Variants in AKT3 observed in about 807,000 individuals in gnomAD.
AKT3 encodes AKT serine/threonine kinase 3.
AKT3 carries 15 observed loss-of-function variants against 65.3 expected under a neutral mutation model. The observed-to-expected ratio is 0.23, with a 90% CI of 0.15 to 0.35. The LOEUF is 0.35. Among genes scored for constraint, AKT3 ranks in the 10% least tolerant of loss-of-function variants. The pLI is 1.00. For synonymous variants in AKT3, 206 were observed against 183.8 expected (o/e 1.12, Z -0.98); for missense variants, 243 against 576.5 (o/e 0.42, Z 5.92).
intron 2 of AKT3, among the ~76,000 whole-genome samples, chr1:243,722,552 AAAG>A (rs904299493): frequency 6.6e-6 from 1 of 152,212 alleles, no homozygotes; most frequent in African/African-American, 2.4e-5. Context: ...GCACGAAGTT[AAAG>A]AAGGCCCTTA....
At chr1:243,603,080 T>G (rs1220031183) in intron 8 of AKT3, among the ~76,000 whole-genome samples, 10 of 152,192 alleles carry the variant, frequency 6.6e-5, no homozygotes, top group Non-Finnish European at 1.5e-4. Flanking sequence ...CTCATGTAAA[T>G]TTAGTAACAT....
chr1:243,638,690 T>C (rs1680154055), intron 5 of AKT3, among the ~76,000 whole-genome samples: 1 of 152,184 alleles, frequency 6.6e-6, no homozygotes, highest in Admixed American at 6.5e-5. Context: ...CAAATAAGTA[T>C]TTGGGTTTTA....
chr1:243,619,096 T>C (rs1239140435), intron 6 of AKT3, among the ~76,000 whole-genome samples: 1 of 152,148 alleles, frequency 6.6e-6, no homozygotes, highest in African/African-American at 2.4e-5. Context: ...ACAAGTCTAG[T>C]TGAAATCAAG....
chr1:243,646,850 A>G (rs1203756050), intron 4 of AKT3, among the ~76,000 whole-genome samples: 1 of 152,216 alleles, frequency 6.6e-6, no homozygotes, highest in South Asian at 2.1e-4. Context: ...AATTAAAAAA[A>G]AGGATACAGC....
intron 13 of AKT3, chr1:243,488,921 C>T: frequency 6.3e-7 from 1 of 1,588,466 alleles, no homozygotes; most frequent in Admixed American, 1.7e-5. Flanking sequence ...TCATGGTTCC[C>T]TATCAGGGGC....
chr1:243,506,523 C>T (rs976604535), intron 13 of AKT3, among the ~76,000 whole-genome samples: 1 of 152,248 alleles, frequency 6.6e-6, no homozygotes, highest in Non-Finnish European at 1.5e-5. Flanking sequence ...GGAGGGGGCT[C>T]TGCCTTTGTC....
intron 12 of AKT3, among the ~76,000 whole-genome samples, chr1:243,538,216 G>A (rs1016059357): frequency 6.6e-6 from 1 of 152,112 alleles, no homozygotes; most frequent in African/African-American, 2.4e-5. Context: ...ATATGCTGTT[G>A]TATGAGAATT....
intron 2 of AKT3, among the ~76,000 whole-genome samples, chr1:243,799,784 C>G (rs1692266581): frequency 6.6e-6 from 1 of 152,150 alleles, no homozygotes; most frequent in South Asian, 2.1e-4. Flanking sequence ...TAAAATGTCT[C>G]TAATTTTTAA....
At chr1:243,794,401 A>G (rs1460154670) in intron 2 of AKT3, 1 of 152,254 alleles carries the variant, frequency 6.6e-6, no homozygotes, top group Non-Finnish European at 1.5e-5. Context: ...ACAAATGCCC[A>G]TTTAATTGCT....
At chr1:243,829,559 T>G (rs1174101645) in intron 2 of AKT3, among the ~76,000 whole-genome samples, 1 of 152,046 alleles carries the variant, frequency 6.6e-6, no homozygotes, top group Non-Finnish European at 1.5e-5. Context: ...AACATAAAAT[T>G]TATACATGTT....
chr1:243,626,414 A>T (rs372506569), intron 6 of AKT3, among the ~76,000 whole-genome samples: 1 of 152,220 alleles, frequency 6.6e-6, no homozygotes, highest in African/African-American at 2.4e-5. Context: ...TAGTCCCCCA[A>T]CACTGAAGGG....
At chr1:243,611,299 G>C (rs996690814) in intron 8 of AKT3, among the ~76,000 whole-genome samples, 1 of 152,122 alleles carries the variant, frequency 6.6e-6, no homozygotes, top group African/African-American at 2.4e-5. Flanking sequence ...TAATTGCACT[G>C]TATCTGCTAA....
chr1:243,583,006 A>C (rs992983548), intron 8 of AKT3, among the ~76,000 whole-genome samples: 2 of 151,446 alleles, frequency 1.3e-5, no homozygotes, highest in Non-Finnish European at 2.9e-5. Flanking sequence ...CAGTTAAAAA[A>C]AAAAAAGACA....
chr1:243,579,431 T>C (rs889355790), intron 8 of AKT3, among the ~76,000 whole-genome samples: 2 of 151,534 alleles, frequency 1.3e-5, no homozygotes, highest in African/African-American at 4.9e-5. Context: ...CTAAGAGATA[T>C]AAAAAAAGGA....
chr1:243,592,311 G>A (rs1373689651), intron 8 of AKT3, among the ~76,000 whole-genome samples: 1 of 151,732 alleles, frequency 6.6e-6, no homozygotes, highest in East Asian at 1.9e-4. Flanking sequence ...CTCCAGCCTG[G>A]GCGACAGAGC....
chr1:243,770,462 T>A (rs1297096111), intron 2 of AKT3, among the ~76,000 whole-genome samples: 1 of 152,078 alleles, frequency 6.6e-6, no homozygotes, highest in Non-Finnish European at 1.5e-5. Flanking sequence ...AGTATCATAC[T>A]TTTTTTCAAG....
chr1:243,528,178 GTTT>G, intron 12 of AKT3, among the ~76,000 whole-genome samples: 1 of 151,992 alleles, frequency 6.6e-6, no homozygotes, highest in East Asian at 1.9e-4. Flanking sequence ...CTATCTGTAT[GTTT>G]TTATCTTAAA....
chr1:243,489,089 TCTC>T (rs762295962), intron 13 of AKT3: 4 of 1,613,236 alleles, frequency 2.5e-6, no homozygotes, highest in African/African-American at 1.3e-5. Context: ...AGAACCAGCT[TCTC>T]CTGGAGAGGC....
At chr1:243,541,800 G>GT (rs765685686) in intron 12 of AKT3, among the ~76,000 whole-genome samples, 63 of 152,280 alleles carry the variant, frequency 4.1e-4, no homozygotes, top group Non-Finnish European at 7.4e-4. Flanking sequence ...GCAGAGAATT[G>GT]TAAGTAATCT....
Sources: allele counts gnomAD v4.1 joint callset (sites outside exome capture counted in the v4.1 genomes callset), GRCh38; gene constraint gnomAD v4.1.1; transcripts MANE v1.5; gene names NCBI Gene and HGNC (gene_info 2026-07-23, HGNC 2026-07-21).